Variants in SAMD12 observed in about 807,000 individuals in gnomAD.
SAMD12 encodes the protein sterile alpha motif domain containing 12.
A neutral mutation model predicts 15.0 loss-of-function variants in SAMD12; 9 were observed. That is an observed-to-expected ratio of 0.60 (90% CI 0.36 to 1.05). The LOEUF (loss-of-function observed/expected upper bound fraction) is 1.05, where lower values mean the gene tolerates loss of function less well. SAMD12 is among the 50% of genes least tolerant of loss of function. The pLI is 0.01. For synonymous variants in SAMD12, 86 were observed against 90.1 expected (o/e 0.96, Z 0.25); for missense variants, 230 against 234.2 (o/e 0.98, Z 0.12).
intron 2 of SAMD12, among the ~76,000 whole-genome samples, chr8:118,476,181 C>T (rs1221036873): frequency 2.0e-5 from 3 of 152,158 alleles, no homozygotes; most frequent in African/African-American, 7.2e-5. Flanking sequence ...CAAAACATTT[C>T]CCCAGACTTG....
At chr8:118,255,298 A>T (rs1008130927) in intron 4 of SAMD12, among the ~76,000 whole-genome samples, 2 of 152,114 alleles carry the variant, frequency 1.3e-5, no homozygotes, top group Non-Finnish European at 2.9e-5. Context: ...ACAACAAAAT[A>T]AAGTTACCCT....
At chr8:118,515,166 C>T (rs1825201744) in intron 2 of SAMD12, among the ~76,000 whole-genome samples, 1 of 150,472 alleles carries the variant, frequency 6.6e-6, no homozygotes, top group Non-Finnish European at 1.5e-5. Context: ...CTATAGGCGC[C>T]CGCCACCACG....
intron 4 of SAMD12, among the ~76,000 whole-genome samples, chr8:118,347,472 G>T (rs1193429782): frequency 6.6e-6 from 1 of 152,156 alleles, no homozygotes; most frequent in Admixed American, 6.5e-5. Context: ...TATGTTAACT[G>T]CTTTCTCCAC....
At chr8:118,357,068 C>T (rs529276011) in intron 4 of SAMD12, among the ~76,000 whole-genome samples, 2 of 152,150 alleles carry the variant, frequency 1.3e-5, no homozygotes, top group African/African-American at 4.8e-5. Flanking sequence ...GCTGTCAGTA[C>T]AATCTTTTGA....
chr8:118,446,171 T>G (rs915135540), intron 2 of SAMD12, among the ~76,000 whole-genome samples: 1 of 151,876 alleles, frequency 6.6e-6, no homozygotes, highest in African/African-American at 2.4e-5. Context: ...ACCATAAATT[T>G]GAGAACCACT....
intron 2 of SAMD12, among the ~76,000 whole-genome samples, chr8:118,479,993 A>T (rs563081306): frequency 7.9e-5 from 12 of 152,354 alleles, no homozygotes; most frequent in Admixed American, 3.3e-4. Context: ...AATAGGCAAG[A>T]TCTTTGCAGA....
the SAMD12 span, among the ~76,000 whole-genome samples, chr8:118,134,004 G>C: frequency 6.6e-6 from 1 of 152,122 alleles, no homozygotes; most frequent in African/African-American, 2.4e-5. Context: ...GAAACTGTTC[G>C]AGCTCTAATG....
intron 4 of SAMD12, among the ~76,000 whole-genome samples, chr8:118,321,348 T>A (rs1425484427): frequency 1.4e-5 from 2 of 147,962 alleles, no homozygotes; most frequent in African/African-American, 2.5e-5. Flanking sequence ...GCACAGTAGC[T>A]CACGCCTGTA....
At chr8:118,206,783 C>T (rs1238711104) in intron 4 of SAMD12, among the ~76,000 whole-genome samples, 1 of 152,174 alleles carries the variant, frequency 6.6e-6, no homozygotes, top group African/African-American at 2.4e-5. Context: ...TCTGGGATAG[C>T]CCTGTGACTT....
rs572975378 is a variant in SAMD12 at position 118,455,657 on chromosome 8, C to T, written c.193-15696G>A. Among the ~76,000 whole-genome samples the T allele has an allele frequency of 9.2e-5, 14 of 152,284 alleles. No individual in the cohort carries two copies. In the South Asian group the frequency reaches 2.3e-3, roughly 25 times the overall value. Reference sequence around the variant, plus strand: ...TCTCCATCTTTACCAGCTGCCTACTCGATATCCCACTTGGCTGTCCAACAA... The same window carrying T: ...TCTCCATCTTTACCAGCTGCCTACTTGATATCCCACTTGGCTGTCCAACAA... On this transcript the variant is annotated intron_variant, in intron 2 of 3. Coordinates refer to ENST00000314727, the MANE Select transcript of SAMD12 (RefSeq NM_207506.3).
chr8:118,577,832 T>C (rs1336427675), intron 2 of SAMD12, among the ~76,000 whole-genome samples: 2 of 152,092 alleles, frequency 1.3e-5, no homozygotes, highest in Non-Finnish European at 1.5e-5. Context: ...TTAGAAGCCA[T>C]GTGAGGAAAT....
chr8:118,224,332 C>T (rs1335183622), intron 4 of SAMD12, among the ~76,000 whole-genome samples: 1 of 152,126 alleles, frequency 6.6e-6, no homozygotes, highest in African/African-American at 2.4e-5. Context: ...AAAGAAAAAC[C>T]ACTTGGCATG....
intron 4 of SAMD12, among the ~76,000 whole-genome samples, chr8:118,344,992 G>T (rs1014542948): frequency 2.0e-5 from 3 of 152,076 alleles, no homozygotes; most frequent in Non-Finnish European, 2.9e-5. Context: ...GTACAGCAGT[G>T]TTCAATAATG....
intron 4 of SAMD12, among the ~76,000 whole-genome samples, chr8:118,215,368 A>G (rs1811935185): frequency 6.6e-6 from 1 of 152,248 alleles, no homozygotes. Context: ...GCCAACCCCT[A>G]TAAAATAAAT....
chr8:118,142,907 C>A, the SAMD12 span, among the ~76,000 whole-genome samples: 1 of 152,038 alleles, frequency 6.6e-6, no homozygotes, highest in Non-Finnish European at 1.5e-5. Flanking sequence ...GAGCACAGAC[C>A]CAGAGATGTG....
At chr8:118,479,845 A>G (rs1186998493) in intron 2 of SAMD12, among the ~76,000 whole-genome samples, 1 of 151,232 alleles carries the variant, frequency 6.6e-6, no homozygotes, top group Non-Finnish European at 1.5e-5. Flanking sequence ...GTCATTTGTG[A>G]TCACTGCTAC....
chr8:118,425,018 A>G (rs1822180958), intron 3 of SAMD12, among the ~76,000 whole-genome samples: 1 of 149,266 alleles, frequency 6.7e-6, no homozygotes, highest in Non-Finnish European at 1.5e-5. Flanking sequence ...GGCTCATTGC[A>G]AGCTCTGCCT....
In SAMD12 at chr8:118,284,815, G is replaced by A. The variant is rs528362008; in HGVS notation, c.434-87083C>T. On this transcript the variant is annotated intron_variant, in intron 4 of 4. Coordinates refer to the SAMD12 transcript ENST00000409003. ...AAATTAGCCAGGCGTGGTGGCGGGC[G>A]CCCGCAGTCCCAGCTACTCGGGAGG... 1.1e-3 allele frequency: 165 copies of A among 156,408 alleles called. No homozygotes were observed. The South Asian group carries it at 0.016, about 16-fold the overall frequency. The allele number at this position is 156,408 out of a possible 1,614,324, so 9.7% of individuals were successfully genotyped here. A position where few individuals can be genotyped will look rare whatever the true frequency, so the allele number is the denominator to read the frequency against.
intron 1 of SAMD12, among the ~76,000 whole-genome samples, chr8:118,594,214 C>T (rs1037218492): frequency 6.6e-6 from 1 of 151,342 alleles, no homozygotes; most frequent in Non-Finnish European, 1.5e-5. Context: ...AGGAAGCTCT[C>T]GGTGGTCCTC....
Sources: allele counts gnomAD v4.1 joint callset (sites outside exome capture counted in the v4.1 genomes callset), GRCh38; gene constraint gnomAD v4.1.1; transcripts MANE v1.5; gene names NCBI Gene and HGNC (gene_info 2026-07-23, HGNC 2026-07-21).